Variants in TEX52 observed in about 807,000 individuals in gnomAD.
TEX52 encodes the protein testis-expressed protein 52.
Under a neutral mutation model 17.6 loss-of-function variants are expected in TEX52, and 22 were observed. The observed-to-expected ratio is 1.25, with a 90% CI of 0.89 to 1.78. TEX52 has a LOEUF of 1.78. TEX52 is among the 40% of genes most tolerant of loss of function. The pLI is 0.00. For missense variants in TEX52, 396 were observed against 372.3 expected, an observed-to-expected ratio of 1.06 and a Z score of -0.52; for synonymous variants, 168 against 147.4, an observed-to-expected ratio of 1.14 and a Z score of -1.01.
rs1230223251 is a variant in TEX52, at chr12:2,849,440, TC to T, written c.708del (p.Ser237AlafsTer16). On this transcript the variant is annotated frameshift_variant, in exon 3 of 3. Transcript: ENST00000637658. LOFTEE classifies it low-confidence loss of function (END_TRUNC). The stretch of plus-strand genomic sequence containing the variant: ...GGCAGAGGGTTTGGGCAGGGCCAGC[TC>T]CTGGCGAAATTATTGGGAAACGGGT... ...MPNPFPNNFARSWPCPNPLPH... is the reference protein window; with the variant it reads ...MPNPFPNNFAXSWPCPNPLPH... 6.5e-6 allele frequency: 10 copies of T among 1,536,030 alleles called. No homozygotes were observed. The Middle Eastern group carries it at 5.0e-4, about 77-fold the overall frequency.
At chr12:2,856,665 C>CCT (rs2098088377) in intron 1 of TEX52, among the ~76,000 whole-genome samples, 1 of 152,106 alleles carries the variant, frequency 6.6e-6, no homozygotes, top group Non-Finnish European at 1.5e-5. Context: ...GCCTGGCCCC[C>CCT]AGGACTTTTC....
rs1484392089 is a variant in TEX52 at position 2,854,913 on chromosome 12, C to T, written c.606G>A (p.Pro202=). The T allele has an allele frequency of 5.9e-6, 9 of 1,534,256 alleles. No homozygotes were observed. Among genetic ancestry groups the T allele is most frequent in the African/African-American group, 4.1e-5 (3 of 72,916 alleles). The change falls in exon 2 of 3, where the codon CCG becomes CCA. Residue 202 remains proline (P), a synonymous_variant. Transcript: ENST00000637658. ...PPLDAQGNIQ[P]PASFKKYRHI... The stretch of plus-strand genomic sequence containing the variant: ...CGTCTTACTTCTTGAAGCTCGCTGG[C>T]GGCTGGATGTTGCCCTGGGCATCGA...
Position 2,849,489 on chromosome 12 carries a change from G to C in TEX52, c.660C>G (p.Pro220=). The part of the protein sequence containing the change: ...RHISAGGRFE[P]QGLQLMPNPF... ...GGTTGGGCATGAGCTGGAGGCCCTG[G>C]GGTTCAAACCTCCCACCAGCGGATA... is the stretch of plus-strand genomic sequence containing the variant. The change falls in exon 3 of 3, where the codon CCC becomes CCG. Residue 220 remains proline (P), a synonymous_variant. Transcript: ENST00000637658. The C allele has an allele frequency of 2.0e-6, 3 of 1,536,140 alleles. No individual in the cohort carries two copies. The highest frequency in any genetic ancestry group is 1.7e-6 in the Non-Finnish European group (2 of 1,146,906).
chr12:2,854,954 C>T lies in TEX52; in HGVS notation c.565G>A (p.Ala189Thr). The change falls in exon 2 of 3, where the codon GCA becomes ACA. Residue 189 changes from alanine (A) to threonine (T), a missense_variant. Coordinates refer to ENST00000637658, the MANE Select transcript of TEX52 (RefSeq NM_001365174.2). The part of the protein sequence containing the change: ...EVEKLKLRSE[A>T]RAPPLDAQGN... ...TGGGCATCGAGTGGGGGTGCTCTTG[C>T]CTCACTCCTCAACTTGAGCTTCTCC... The T allele has an allele frequency of 6.5e-7, 1 of 1,536,132 alleles. No individual in the cohort carries two copies. The highest frequency in any genetic ancestry group is 8.7e-7 in the Non-Finnish European group (1 of 1,146,906).
In TEX52 at chr12:2,849,408, G is replaced by A. The variant is rs1252800551; in HGVS notation, c.741C>T (p.Tyr247=). 6.5e-7 allele frequency: 1 copy of A among 1,536,196 alleles called. No homozygotes were observed. Among genetic ancestry groups the A allele is most frequent in the South Asian group, 1.2e-5 (1 of 84,070 alleles). The change falls in exon 3 of 3, where the codon TAC becomes TAT. Residue 247 remains tyrosine, a synonymous_variant. Coordinates refer to ENST00000637658, the MANE Select transcript of TEX52 (RefSeq NM_001365174.2). ...AGGCCAGCTTTAGCACCTTCTCCTG[G>A]TAGTGAGGCAGAGGGTTTGGGCAGG... The part of the protein sequence containing the change: ...SWPCPNPLPH[Y]QEKVLKLALL...
intron 2 of TEX52, among the ~76,000 whole-genome samples, chr12:2,850,755 C>G (rs2098067702): frequency 6.6e-6 from 1 of 151,724 alleles, no homozygotes; most frequent in Non-Finnish European, 1.5e-5. Context: ...TCACTGCAAC[C>G]TCCATCTCCC....
chr12:2,852,733 G>T (rs148416937), intron 2 of TEX52, among the ~76,000 whole-genome samples: 1 of 152,016 alleles, frequency 6.6e-6, no homozygotes, highest in East Asian at 1.9e-4. Flanking sequence ...GGCCGGGCAC[G>T]GTGGCTCACG....
chr12:2,849,337 T>C lies in TEX52; in HGVS notation c.812A>G (p.Gln271Arg), dbSNP rs1464530991. 1.3e-6 allele frequency: 2 copies of C among 1,536,030 alleles called. No individual in the cohort carries two copies. Among genetic ancestry groups the C allele is most frequent in the Non-Finnish European group, 1.7e-6 (2 of 1,146,932 alleles). Residue 271 changes from glutamine (Q) to arginine (R), a missense_variant, in exon 3 of 3, where the codon CAA becomes CGA. Transcript: ENST00000637658. ...PLSQDLIRDFQTLIKDRTALP... is the reference protein window; with the variant it reads ...PLSQDLIRDFRTLIKDRTALP... ...GGCAGTTCTGTCCTTTATCAGGGTT[T>C]GGAAATCCCTTATGAGGTCCTGGCT...
At chr12:2,850,548 T>G (rs995114753) in intron 2 of TEX52, among the ~76,000 whole-genome samples, 6 of 152,208 alleles carry the variant, frequency 3.9e-5, no homozygotes, top group African/African-American at 1.2e-4. Flanking sequence ...AAATGTTGTA[T>G]TTCCTCAACA....
chr12:2,855,210 ACGG>A lies in TEX52; in HGVS notation c.306_308del (p.Arg103del). ...GCTGGGTGGGGAAGGTGGCAGGCAG[ACGG>A]CACACATCGAGCCACGTGTGAAAGC... On this transcript the variant is annotated inframe_deletion, in exon 2 of 3. Coordinates refer to ENST00000637658, the MANE Select transcript of TEX52 (RefSeq NM_001365174.2). 1 of 1,506,352 alleles carries A rather than the reference ACGG, an allele frequency of 6.6e-7. No homozygotes were observed. Among genetic ancestry groups the A allele is most frequent in the South Asian group, 1.3e-5 (1 of 79,956 alleles). The allele number at this position is 1,506,352 out of a possible 1,614,324, so 93.3% of individuals were successfully genotyped here.
At chr12:2,856,918 A>G in intron 1 of TEX52, 37 bp downstream of exon 1, 2 of 703,004 alleles carry the variant, frequency 2.8e-6, no homozygotes, top group Non-Finnish European at 5.2e-6. Context: ...CCAGTGGGGT[A>G]CAAAAAGGTA....
downstream of TEX52, chr12:2,848,902 C>CACACAG (rs2098061168): frequency 2.8e-6 from 1 of 362,926 alleles, no homozygotes; most frequent in South Asian, 3.0e-5. Flanking sequence ...CACACACACA[C>CACACAG]ACACACACAC....
At chr12:2,851,750 C>CTCACTACAACT (rs1375870768) in intron 2 of TEX52, among the ~76,000 whole-genome samples, 1 of 152,166 alleles carries the variant, frequency 6.6e-6, no homozygotes, top group Non-Finnish European at 1.5e-5. Context: ...GTGATCTCAG[C>CTCACTACAACT]TCACTACAAC....
chr12:2,855,449 A>G lies in TEX52; in HGVS notation c.73-3T>C. ...AGGGACTCGCTGGCCTGGACCATCTAGGGAGAGACAAAAGGGAGCCTGGGG... is the reference window on the plus strand; with the variant it reads ...AGGGACTCGCTGGCCTGGACCATCTGGGGAGAGACAAAAGGGAGCCTGGGG... On this transcript the variant is annotated splice_polypyrimidine_tract_variant and splice_region_variant and intron_variant, in intron 1 of 2. Coordinates refer to ENST00000637658, the MANE Select transcript of TEX52 (RefSeq NM_001365174.2). The G allele has an allele frequency of 7.0e-7, 1 of 1,431,642 alleles. No homozygotes were observed. The highest frequency in any genetic ancestry group is 2.5e-5 in the Admixed American group (1 of 39,542). The allele number at this position is 1,431,642 out of a possible 1,614,324, so 88.7% of individuals were successfully genotyped here. A position where few individuals can be genotyped will look rare whatever the true frequency, so the allele number is the denominator to read the frequency against.
chr12:2,855,708 T>C (rs1477481004), intron 1 of TEX52, among the ~76,000 whole-genome samples: 1 of 152,184 alleles, frequency 6.6e-6, no homozygotes, highest in Non-Finnish European at 1.5e-5. Context: ...CCACCCTCTG[T>C]ACTCAGCTTT....
chr12:2,854,446 G>C (rs992430836), intron 2 of TEX52, among the ~76,000 whole-genome samples: 10 of 152,204 alleles, frequency 6.6e-5, no homozygotes, highest in African/African-American at 2.4e-4. Flanking sequence ...TGGAGAAGCT[G>C]GGCACCTCAC....
In TEX52 at chr12:2,849,066, G is replaced by A. The variant is rs2098061613; in HGVS notation, c.*165C>T. The A allele has an allele frequency of 1.5e-6, 1 of 663,452 alleles. No individual in the cohort carries two copies. The highest frequency in any genetic ancestry group is 2.5e-6 in the Non-Finnish European group (1 of 402,432). 41.1% of individuals were successfully genotyped at this position (663,452 alleles called of 1,614,324 possible). On this transcript the variant is annotated 3_prime_UTR_variant, in exon 3 of 3. Coordinates refer to ENST00000637658, the MANE Select transcript of TEX52 (RefSeq NM_001365174.2). The stretch of plus-strand genomic sequence containing the variant: ...TAGAATTTCAGTTGAATCTCCAATA[G>A]CCTGGGGTACAGAGGTGGCTTGAGG...
At chr12:2,851,433 C>T (rs1160770997) in intron 2 of TEX52, among the ~76,000 whole-genome samples, 1 of 152,160 alleles carries the variant, frequency 6.6e-6, no homozygotes, top group Non-Finnish European at 1.5e-5. Flanking sequence ...ACCTCCACCT[C>T]CTGCATTCAA....
intron 2 of TEX52, among the ~76,000 whole-genome samples, chr12:2,853,592 G>T (rs928976085): frequency 2.0e-5 from 3 of 150,142 alleles, no homozygotes; most frequent in Non-Finnish European, 4.4e-5. Context: ...TGTTGTTGTT[G>T]TTGTTTTTGT....
Sources: gnomAD v4.1 joint callset for allele counts (sites outside exome capture counted in the v4.1 genomes callset) on GRCh38, gnomAD v4.1.1 for gene constraint, MANE v1.5 for transcripts, NCBI Gene and HGNC (gene_info 2026-07-23, HGNC 2026-07-21) for gene names.